Variants in PSMD1 observed in about 807,000 individuals in gnomAD.
The protein encoded by PSMD1 is 26S proteasome non-ATPase regulatory subunit 1.
A neutral mutation model predicts 119.0 loss-of-function variants in PSMD1; 18 were observed. That is an observed-to-expected ratio of 0.15 (90% CI 0.10 to 0.22). The LOEUF (loss-of-function observed/expected upper bound fraction) is 0.22, where lower values mean the gene tolerates loss of function less well. PSMD1 is among the 10% of genes least tolerant of loss of function. PSMD1 has a pLI of 1.00. For missense variants in PSMD1, 702 were observed against 1,158.5 expected (o/e 0.61, Z 5.72); for synonymous variants, 374 against 396.6 (o/e 0.94, Z 0.68).
intron 18 of PSMD1, among the ~76,000 whole-genome samples, chr2:231,147,830 A>C (rs948291254): frequency 6.6e-6 from 1 of 152,236 alleles, no homozygotes; most frequent in African/African-American, 2.4e-5. Context: ...CATCGAGCAA[A>C]TAATAGCACA....
At chr2:231,146,583 A>G (rs1272404848) in intron 18 of PSMD1, among the ~76,000 whole-genome samples, 1 of 152,196 alleles carries the variant, frequency 6.6e-6, no homozygotes, top group Admixed American at 6.5e-5. Context: ...TAAGTATATA[A>G]CCATGCTTGA....
chr2:231,138,229 A>G (rs532499757), intron 16 of PSMD1, among the ~76,000 whole-genome samples: 2 of 152,376 alleles, frequency 1.3e-5, no homozygotes, highest in East Asian at 3.9e-4. Context: ...TAATTGCTAA[A>G]GCAAAAATGC....
chr2:231,118,329 A>AT (rs1553563889), intron 16 of PSMD1, among the ~76,000 whole-genome samples: 1 of 152,174 alleles, frequency 6.6e-6, no homozygotes, highest in Non-Finnish European at 1.5e-5. Context: ...TCAGTATGAA[A>AT]TAAGAGTGTT....
intron 16 of PSMD1, among the ~76,000 whole-genome samples, chr2:231,112,051 T>C (rs1695172135): frequency 6.6e-6 from 1 of 152,204 alleles, no homozygotes; most frequent in African/African-American, 2.4e-5. Flanking sequence ...CCTTATTAGC[T>C]TGATCACATT....
At chr2:231,062,756 T>G in intron 4 of PSMD1, 81 bp downstream of exon 4, 1 of 1,183,478 alleles carries the variant, frequency 8.4e-7, no homozygotes, top group Admixed American at 2.8e-5. Flanking sequence ...TTTTCCTGAA[T>G]TTGATGTTGC....
intron 16 of PSMD1, among the ~76,000 whole-genome samples, chr2:231,105,627 T>C (rs1394836254): frequency 6.6e-6 from 1 of 152,170 alleles, no homozygotes; most frequent in East Asian, 1.9e-4. Context: ...ATTAAATGTT[T>C]CTCAGTGTAT....
At chr2:231,118,493 G>A (rs541565533) in intron 16 of PSMD1, among the ~76,000 whole-genome samples, 2 of 152,270 alleles carry the variant, frequency 1.3e-5, no homozygotes, top group Admixed American at 1.3e-4. Flanking sequence ...TTTTACTAAC[G>A]TTGAATTTTA....
chr2:231,116,168 G>T (rs1328487363), intron 16 of PSMD1, among the ~76,000 whole-genome samples: 2 of 152,124 alleles, frequency 1.3e-5, no homozygotes, highest in Non-Finnish European at 2.9e-5. Flanking sequence ...AGTGGAAAAG[G>T]ACCTTGGACA....
At position 231,070,064 on chromosome 2, in the gene PSMD1, T is replaced by C. The variant is rs1343791786; in HGVS notation, c.550T>C (p.Cys184Arg). ...AATGTTAGCTTATAGCCTTAAGCTC[T>C]GCATGTCTTTAATGCAGAATAAACA... ...PGMLAYSLKLCMSLMQNKQFR... is the reference protein window; with the variant it reads ...PGMLAYSLKLRMSLMQNKQFR... Residue 184 changes from cysteine (C) to arginine (R), a missense_variant, in exon 6 of 25, where the codon TGC becomes CGC. This residue lies in a region of PSMD1 where 58 missense variants were observed against 54.0 expected (regional missense o/e 1.07). Transcript: ENST00000308696. 2 of 1,549,026 alleles carry C rather than the reference T, an allele frequency of 1.3e-6. No individual in the cohort carries two copies. Among genetic ancestry groups the C allele is most frequent in the East Asian group, 4.7e-5 (2 of 42,114 alleles).
In PSMD1 at chr2:231,089,594, G is replaced by GATAT. The variant is rs140932102; in HGVS notation, c.1883+2430_1883+2433dup. Among the ~76,000 whole-genome samples the GATAT allele has an allele frequency of 5.9e-3, 840 of 143,162 alleles. 15 individuals are homozygous for GATAT. The highest frequency in any genetic ancestry group is 0.019 in the African/African-American group (729 of 37,652). 93.9% of individuals were successfully genotyped at this position (143,162 alleles called of 152,430 possible). A position where few individuals can be genotyped will look rare whatever the true frequency, so the allele number is the denominator to read the frequency against. On this transcript the variant is annotated intron_variant, in intron 16 of 24. Transcript: ENST00000308696. ...TTCCCTAGAGGGACAGAATTAATAG[G>GATAT]ATATATATATATATATATATGGGAG...
chr2:231,056,939 G>T lies in PSMD1; in HGVS notation c.-87G>T. 9 of 1,514,006 alleles carry T rather than the reference G, an allele frequency of 5.9e-6. No individual in the cohort carries two copies. The highest frequency in any genetic ancestry group is 2.4e-5 in the South Asian group (2 of 83,434). 93.8% of individuals were successfully genotyped at this position (1,514,006 alleles called of 1,614,324 possible). On this transcript the variant is annotated 5_prime_UTR_variant, in exon 1 of 25. Transcript: ENST00000308696. Reference sequence around the variant, plus strand: ...CAGCGCACCCGGGGAGCAAGGAGGCGCGGTGAACTGAGCGGCCCCTGAGCT... The same window carrying T: ...CAGCGCACCCGGGGAGCAAGGAGGCTCGGTGAACTGAGCGGCCCCTGAGCT...
intron 16 of PSMD1, chr2:231,123,678 A>G (rs1423547028): frequency 6.2e-7 from 1 of 1,614,084 alleles, no homozygotes; most frequent in East Asian, 2.2e-5. Context: ...CAGACCAGTT[A>G]GAAGAGATAA....
At chr2:231,081,144 T>TTAAAA (rs1267811049) in intron 12 of PSMD1, among the ~76,000 whole-genome samples, 43 of 74,048 alleles carry the variant, frequency 5.8e-4, no homozygotes, top group Admixed American at 4.1e-3. Flanking sequence ...AAACTCTGTC[T>TTAAAA]AAAAAAAAAA....
intron 16 of PSMD1, chr2:231,108,873 T>C: frequency 1.9e-6 from 3 of 1,614,082 alleles, no homozygotes; most frequent in African/African-American, 1.3e-5. Flanking sequence ...CACACAAATA[T>C]CTCCAGGAGC....
intron 16 of PSMD1, chr2:231,123,989 G>A: frequency 2.0e-6 from 1 of 508,856 alleles, no homozygotes; most frequent in Admixed American, 3.2e-5. Context: ...ATTTTCTAGA[G>A]GCTTAAATTT....
At chr2:231,073,923 A>C (rs1440949032) in intron 7 of PSMD1, among the ~76,000 whole-genome samples, 1 of 152,094 alleles carries the variant, frequency 6.6e-6, no homozygotes. Context: ...ATCCTTTTAC[A>C]GAATTCTGTT....
intron 21 of PSMD1, 166 bp from the exon 22 acceptor site, chr2:231,165,034 T>A (rs6744141): frequency 0.18 from 3,895 of 21,204 alleles, 317 homozygotes; most frequent in East Asian, 0.32. Flanking sequence ...TTATATATAT[T>A]TATATATATA....
intron 16 of PSMD1, among the ~76,000 whole-genome samples, chr2:231,125,742 G>A (rs1695703456): frequency 1.3e-5 from 2 of 152,110 alleles, no homozygotes; most frequent in South Asian, 4.1e-4. Flanking sequence ...TAATAGTTAT[G>A]CTATTTAAGT....
At chr2:231,100,420 A>G (rs2125193247) in intron 16 of PSMD1, among the ~76,000 whole-genome samples, 1 of 152,000 alleles carries the variant, frequency 6.6e-6, no homozygotes, top group Middle Eastern at 3.4e-3. Flanking sequence ...ATTTAAAGAG[A>G]ATGATGGGGT....
Sources: allele counts gnomAD v4.1 joint callset (sites outside exome capture counted in the v4.1 genomes callset), GRCh38; gene constraint gnomAD v4.1.1; regional missense constraint gnomAD v4.1.1; transcripts MANE v1.5; gene names NCBI Gene and HGNC (gene_info 2026-07-23, HGNC 2026-07-21).